Variants in NXPE4 observed in about 807,000 individuals in gnomAD.
NXPE4 encodes the protein neurexophilin and PC-esterase domain family member 4.
NXPE4 carries 42 observed loss-of-function variants against 33.3 expected under a neutral mutation model. That is an observed-to-expected ratio of 1.26 (90% CI 0.98 to 1.63). The LOEUF (loss-of-function observed/expected upper bound fraction) is 1.63. Among genes scored for constraint, NXPE4 ranks in the 40% most tolerant of loss-of-function variants. NXPE4 has a pLI of 0.00. For synonymous variants in NXPE4, 253 were observed against 234.9 expected, an observed-to-expected ratio of 1.08 and a Z score of -0.71; for missense variants, 709 against 647.6, an observed-to-expected ratio of 1.09 and a Z score of -1.03.
At chr11:114,628,509 A>G in the NXPE4 span, among the ~76,000 whole-genome samples, 2 of 151,960 alleles carry the variant, frequency 1.3e-5, no homozygotes, top group African/African-American at 4.8e-5. Flanking sequence ...TCTCTGGGAC[A>G]CATTCAAAGC....
At chr11:114,603,567 G>A in the NXPE4 span, among the ~76,000 whole-genome samples, 2 of 150,738 alleles carry the variant, frequency 1.3e-5, no homozygotes, top group African/African-American at 4.9e-5. Context: ...GATAAGTATT[G>A]CCTCGTCTCC....
At chr11:114,637,432 G>A in the NXPE4 span, among the ~76,000 whole-genome samples, 1 of 152,004 alleles carries the variant, frequency 6.6e-6, no homozygotes, top group Non-Finnish European at 1.5e-5. Context: ...GCCAGTCTGT[G>A]TCTTTTAATT....
the NXPE4 span, among the ~76,000 whole-genome samples, chr11:114,601,664 T>TATATAATTATAAATAA: frequency 2.3e-5 from 1 of 44,318 alleles, no homozygotes. Context: ...TTATAAATAA[T>TATATAATTATAAATAA]TATATATTAT....
intron 2 of NXPE4, among the ~76,000 whole-genome samples, chr11:114,585,591 GT>G (rs1280276844): frequency 1.3e-5 from 2 of 151,912 alleles, no homozygotes; most frequent in Non-Finnish European, 2.9e-5. Context: ...ACAAATATAT[GT>G]ACGTGTGTGT....
At chr11:114,614,966 G>T in the NXPE4 span, among the ~76,000 whole-genome samples, 2 of 150,288 alleles carry the variant, frequency 1.3e-5, no homozygotes, top group East Asian at 4.0e-4. Flanking sequence ...TGGTGGATAA[G>T]TATTGCCTCG....
chr11:114,653,333 T>G, the NXPE4 span, among the ~76,000 whole-genome samples: 1 of 152,224 alleles, frequency 6.6e-6, no homozygotes, highest in Non-Finnish European at 1.5e-5. Flanking sequence ...CAGTCTGTTC[T>G]TGGTACTTTT....
At chr11:114,625,480 T>C in the NXPE4 span, among the ~76,000 whole-genome samples, 6 of 152,152 alleles carry the variant, frequency 3.9e-5, no homozygotes, top group Non-Finnish European at 8.8e-5. Flanking sequence ...CGGTGGATAA[T>C]ATGTATGGCC....
At chr11:114,629,132 A>C in the NXPE4 span, among the ~76,000 whole-genome samples, 2 of 152,096 alleles carry the variant, frequency 1.3e-5, no homozygotes, top group Non-Finnish European at 2.9e-5. Flanking sequence ...AAACTATTCC[A>C]ATCAATAGAA....
At chr11:114,580,105 A>G (rs752210019) in intron 5 of NXPE4, 27 bp downstream of exon 5, 1 of 1,572,084 alleles carries the variant, frequency 6.4e-7, no homozygotes, top group East Asian at 2.2e-5. Flanking sequence ...GAAAGGGGTA[A>G]GAATTATAGC....
chr11:114,594,548 C>G (rs1344194446), intron 2 of NXPE4, 116 bp downstream of exon 2: 1 of 692,600 alleles, frequency 1.4e-6, no homozygotes, highest in Non-Finnish European at 2.6e-6. Context: ...TGGTATCTAG[C>G]TATTCAAACT....
the NXPE4 span, among the ~76,000 whole-genome samples, chr11:114,632,666 G>C: frequency 1.2e-5 from 1 of 81,974 alleles, no homozygotes; most frequent in Non-Finnish European, 2.1e-5. Context: ...TAAATATATA[G>C]TATATATATT....
the NXPE4 span, among the ~76,000 whole-genome samples, chr11:114,659,304 T>C: frequency 6.6e-6 from 1 of 152,140 alleles, no homozygotes; most frequent in Non-Finnish European, 1.5e-5. Context: ...TGACCAAATG[T>C]TGGTATTATC....
the NXPE4 span, among the ~76,000 whole-genome samples, chr11:114,668,560 G>C: frequency 1.3e-5 from 2 of 152,150 alleles, no homozygotes; most frequent in Middle Eastern, 3.4e-3. Context: ...GAAGAACTCA[G>C]TTAGAGTTCT....
chr11:114,674,217 G>C, the NXPE4 span, among the ~76,000 whole-genome samples: 1 of 151,764 alleles, frequency 6.6e-6, no homozygotes, highest in African/African-American at 2.4e-5. Context: ...ACAATGGTAT[G>C]CTGAAGTTCA....
intron 2 of NXPE4, chr11:114,583,882 C>T (rs746727217): frequency 2.0e-5 from 8 of 392,584 alleles, no homozygotes; most frequent in Non-Finnish European, 3.5e-5. Flanking sequence ...GAGATGGGGA[C>T]TTATGGGTTA....
At chr11:114,656,859 G>A in the NXPE4 span, among the ~76,000 whole-genome samples, 5 of 152,068 alleles carry the variant, frequency 3.3e-5, no homozygotes, top group African/African-American at 4.8e-5. Flanking sequence ...TTGGGAGGCC[G>A]AGATGGGCAG....
the NXPE4 span, among the ~76,000 whole-genome samples, chr11:114,637,276 G>A: frequency 1.3e-5 from 2 of 151,632 alleles, no homozygotes; most frequent in South Asian, 4.2e-4. Context: ...TCAGAGACTA[G>A]GATTGCAATC....
intron 2 of NXPE4, among the ~76,000 whole-genome samples, chr11:114,589,825 C>A (rs1394709276): frequency 1.3e-5 from 2 of 152,146 alleles, no homozygotes; most frequent in African/African-American, 4.8e-5. Context: ...CTGTAACAGT[C>A]CCTACAACAC....
the NXPE4 span, among the ~76,000 whole-genome samples, chr11:114,623,183 C>T: frequency 6.6e-6 from 1 of 151,888 alleles, no homozygotes; most frequent in Non-Finnish European, 1.5e-5. Context: ...ATAATTATTG[C>T]CTCTAGGGTA....
Sources: allele counts gnomAD v4.1 joint callset (sites outside exome capture counted in the v4.1 genomes callset), GRCh38; gene constraint gnomAD v4.1.1; transcripts MANE v1.5; gene names NCBI Gene and HGNC (gene_info 2026-07-23, HGNC 2026-07-21).